The following TMEM178B variants were observed in gnomAD, a reference collection of about 807,000 sequenced individuals.
TMEM178B encodes the protein transmembrane protein 178B.
Under a neutral mutation model 31.0 loss-of-function variants are expected in TMEM178B, and 5 were observed. The ratio of observed to expected loss-of-function variants is 0.16; its 90% CI spans 0.08 to 0.34. The LOEUF (loss-of-function observed/expected upper bound fraction) is 0.34, where lower values mean the gene tolerates loss of function less well. TMEM178B is among the 10% of genes least tolerant of loss of function. The probability of loss-of-function intolerance (pLI) is 1.00; values close to 1 mark genes in which losing one functional copy is unlikely to be tolerated. For synonymous variants in TMEM178B, 164 were observed against 164.0 expected (o/e 1.00, Z 0.00); for missense variants, 275 against 400.3 (o/e 0.69, Z 2.67).
At chr7:141,196,794 G>A (rs1187270061) in intron 1 of TMEM178B, among the ~76,000 whole-genome samples, 2 of 152,150 alleles carry the variant, frequency 1.3e-5, no homozygotes, top group Non-Finnish European at 2.9e-5. Flanking sequence ...AAGCTCATTG[G>A]TGTAATTGGT....
chr7:141,291,817 C>T (rs1798551174), intron 2 of TMEM178B, among the ~76,000 whole-genome samples: 1 of 151,956 alleles, frequency 6.6e-6, no homozygotes, highest in African/African-American at 2.4e-5. Context: ...TTGTTGAGAC[C>T]ATCATGAGGC....
intron 1 of TMEM178B, among the ~76,000 whole-genome samples, chr7:141,168,642 C>A (rs961336990): frequency 6.6e-6 from 1 of 151,988 alleles, no homozygotes; most frequent in African/African-American, 2.4e-5. Flanking sequence ...TGGTGGCGAG[C>A]ACCTCTAATC....
At chr7:141,101,031 C>T (rs1462207399) in intron 1 of TMEM178B, among the ~76,000 whole-genome samples, 2 of 152,214 alleles carry the variant, frequency 1.3e-5, no homozygotes, top group African/African-American at 2.4e-5. Flanking sequence ...CAAGCTATTA[C>T]ACCACTCCCT....
intron 3 of TMEM178B, among the ~76,000 whole-genome samples, chr7:141,462,033 C>T (rs1387671828): frequency 6.6e-6 from 1 of 152,174 alleles, no homozygotes; most frequent in African/African-American, 2.4e-5. Context: ...CTCTGGCTAA[C>T]GTGGTGCTTT....
chr7:141,195,105 T>A (rs1796760783), intron 1 of TMEM178B, among the ~76,000 whole-genome samples: 1 of 152,192 alleles, frequency 6.6e-6, no homozygotes, highest in South Asian at 2.1e-4. Context: ...GCCATGAAGA[T>A]CTCTGACATG....
At chr7:141,113,870 G>T (rs2129175473) in intron 1 of TMEM178B, among the ~76,000 whole-genome samples, 1 of 152,278 alleles carries the variant, frequency 6.6e-6, no homozygotes, top group East Asian at 1.9e-4. Flanking sequence ...TTATAGGCAT[G>T]GTAATTGTGC....
intron 3 of TMEM178B, among the ~76,000 whole-genome samples, chr7:141,455,467 G>C (rs1281888946): frequency 6.6e-6 from 1 of 152,190 alleles, no homozygotes; most frequent in Non-Finnish European, 1.5e-5. Context: ...ATTAATTTCA[G>C]TGCAACTGGA....
chr7:141,249,465 G>A (rs990836528), intron 2 of TMEM178B, among the ~76,000 whole-genome samples: 5 of 152,230 alleles, frequency 3.3e-5, no homozygotes, highest in African/African-American at 1.2e-4. Context: ...ATTGGTACTG[G>A]TAGAGTGGGA....
At chr7:141,225,864 C>T (rs929410296) in intron 2 of TMEM178B, among the ~76,000 whole-genome samples, 2 of 152,254 alleles carry the variant, frequency 1.3e-5, no homozygotes, top group South Asian at 4.2e-4. Context: ...AACCAAGGGA[C>T]ATCCAGTGTC....
chr7:141,113,825 C>A (rs1264824314), intron 1 of TMEM178B, among the ~76,000 whole-genome samples: 1 of 152,158 alleles, frequency 6.6e-6, no homozygotes, highest in African/African-American at 2.4e-5. Flanking sequence ...ATTTGGTTAC[C>A]ATTGAATGGG....
chr7:141,204,058 A>C (rs758111474), intron 1 of TMEM178B, among the ~76,000 whole-genome samples: 52 of 152,210 alleles, frequency 3.4e-4, no homozygotes, highest in Non-Finnish European at 6.3e-4. Context: ...AAATTGTACC[A>C]GTTCGTTTTT....
intron 2 of TMEM178B, among the ~76,000 whole-genome samples, chr7:141,376,177 G>GT (rs1800210850): frequency 6.6e-6 from 1 of 152,348 alleles, no homozygotes; most frequent in Admixed American, 6.5e-5. Context: ...TAACCAAATA[G>GT]TCCCTGTTGA....
At chr7:141,262,386 G>A (rs79466925) in intron 2 of TMEM178B, among the ~76,000 whole-genome samples, 2 of 151,698 alleles carry the variant, frequency 1.3e-5, no homozygotes, top group African/African-American at 4.9e-5. Flanking sequence ...AGGCATGCAT[G>A]TGAGTTGCTT....
chr7:141,494,960 CG>C, the TMEM178B span, among the ~76,000 whole-genome samples: 1 of 151,980 alleles, frequency 6.6e-6, no homozygotes, highest in Non-Finnish European at 1.5e-5. Context: ...CTATTGAAGC[CG>C]GGTGGTGGGA....
intron 3 of TMEM178B, among the ~76,000 whole-genome samples, chr7:141,449,655 C>G (rs1313476903): frequency 6.6e-6 from 1 of 152,172 alleles, no homozygotes; most frequent in Non-Finnish European, 1.5e-5. Context: ...AGGGAGGGTG[C>G]CTGGCTCCCT....
At chr7:141,194,437 G>A (rs1249815228) in intron 1 of TMEM178B, among the ~76,000 whole-genome samples, 1 of 152,160 alleles carries the variant, frequency 6.6e-6, no homozygotes, top group East Asian at 1.9e-4. Flanking sequence ...CTGAAATCCA[G>A]CAGGGCAGTC....
intron 1 of TMEM178B, among the ~76,000 whole-genome samples, chr7:141,209,683 A>C (rs958931345): frequency 9.9e-5 from 15 of 152,108 alleles, no homozygotes; most frequent in African/African-American, 3.6e-4. Flanking sequence ...TTGCTGCAGG[A>C]AGGACAGAAG....
chr7:141,100,308 C>G (rs1795034150), intron 1 of TMEM178B, among the ~76,000 whole-genome samples: 3 of 151,600 alleles, frequency 2.0e-5, no homozygotes, highest in Non-Finnish European at 4.4e-5. Flanking sequence ...ATACGTCCAT[C>G]TTTTAGTTCC....
intron 3 of TMEM178B, among the ~76,000 whole-genome samples, chr7:141,446,455 C>A (rs930287386): frequency 1.3e-5 from 2 of 152,212 alleles, no homozygotes; most frequent in Admixed American, 6.5e-5. Flanking sequence ...GACAGAGCAG[C>A]CCCTGGAAGG....
Sources: gnomAD v4.1 joint callset for allele counts (sites outside exome capture counted in the v4.1 genomes callset) on GRCh38, gnomAD v4.1.1 for gene constraint, MANE v1.5 for transcripts, NCBI Gene and HGNC (gene_info 2026-07-23, HGNC 2026-07-21) for gene names.